METTL16: variants seen among roughly 807,000 people sequenced by gnomAD.
The protein encoded by METTL16 is RNA N(6)-adenosine-methyltransferase METTL16.
Under a neutral mutation model 57.9 loss-of-function variants are expected in METTL16, and 19 were observed. The ratio of observed to expected loss-of-function variants is 0.33; its 90% CI spans 0.23 to 0.48. The LOEUF is 0.48. Ranked by LOEUF, METTL16 falls within the 20% of genes least tolerant of loss-of-function variation. The pLI, the probability that METTL16 is intolerant of heterozygous loss-of-function variation, is 0.99. For synonymous variants in METTL16, 246 were observed against 255.6 expected (o/e 0.96, Z 0.36); for missense variants, 434 against 691.5 (o/e 0.63, Z 4.18).
chr17:2,428,694 C>T (rs1206232409), intron 8 of METTL16, among the ~76,000 whole-genome samples: 3 of 143,882 alleles, frequency 2.1e-5, no homozygotes, highest in African/African-American at 5.1e-5. Flanking sequence ...CCCAGGAGTT[C>T]GAGACCAGCA....
chr17:2,490,507 T>C (rs187844583), intron 2 of METTL16, among the ~76,000 whole-genome samples: 1 of 152,324 alleles, frequency 6.6e-6, no homozygotes, highest in Non-Finnish European at 1.5e-5. Flanking sequence ...TTTCATCTTT[T>C]AGGGTGAAAG....
intron 2 of METTL16, among the ~76,000 whole-genome samples, chr17:2,490,683 G>A (rs957254709): frequency 1.3e-5 from 2 of 152,068 alleles, no homozygotes; most frequent in Non-Finnish European, 2.9e-5. Context: ...TCTGCTCTCT[G>A]TAACACAGTG....
At chr17:2,426,502 A>T (rs2066819428) in intron 8 of METTL16, among the ~76,000 whole-genome samples, 1 of 152,074 alleles carries the variant, frequency 6.6e-6, no homozygotes. Context: ...AGGCTGAGGC[A>T]GGTAGATCAC....
intron 1 of METTL16, among the ~76,000 whole-genome samples, chr17:2,503,734 A>T (rs7222699): frequency 0.031 from 4,774 of 152,100 alleles, 253 homozygotes; most frequent in African/African-American, 0.11. Flanking sequence ...ATAAATATGG[A>T]TAAACAAAAT....
intron 6 of METTL16, among the ~76,000 whole-genome samples, chr17:2,449,063 A>T (rs1312268493): frequency 6.6e-6 from 1 of 151,530 alleles, no homozygotes; most frequent in Non-Finnish European, 1.5e-5. Flanking sequence ...AAAATAAATC[A>T]ACTGTATTTT....
intron 6 of METTL16, among the ~76,000 whole-genome samples, chr17:2,451,368 C>T (rs944023444): frequency 3.3e-5 from 5 of 152,116 alleles, no homozygotes; most frequent in Admixed American, 6.6e-5. Flanking sequence ...CCTGTAATCC[C>T]AGCACTTTCG....
chr17:2,506,321 T>A (rs1387436462), intron 1 of METTL16, among the ~76,000 whole-genome samples: 4 of 139,860 alleles, frequency 2.9e-5, no homozygotes, highest in African/African-American at 7.9e-5. Flanking sequence ...TGCCACGGTC[T>A]CCCTCTGATG....
intron 2 of METTL16, among the ~76,000 whole-genome samples, chr17:2,495,070 C>G (rs8081804): frequency 0.58 from 87,517 of 151,106 alleles, 28,352 homozygotes; most frequent in Non-Finnish European, 0.74. Flanking sequence ...TCAGGATTGG[C>G]CAGGCATGGT....
At chr17:2,483,277 T>C (rs1233306872) in intron 2 of METTL16, among the ~76,000 whole-genome samples, 3 of 152,148 alleles carry the variant, frequency 2.0e-5, no homozygotes, top group Non-Finnish European at 2.9e-5. Flanking sequence ...AACCTTAATT[T>C]TTGGATCAAA....
chr17:2,493,678 C>T (rs1284612441), intron 2 of METTL16, among the ~76,000 whole-genome samples: 3 of 147,022 alleles, frequency 2.0e-5, no homozygotes, highest in South Asian at 4.3e-4. Context: ...GAGATTGGGC[C>T]ACTGCACTCC....
At chr17:2,508,123 TAAA>T (rs66655664) in intron 1 of METTL16, among the ~76,000 whole-genome samples, 9 of 144,320 alleles carry the variant, frequency 6.2e-5, no homozygotes, top group Admixed American at 6.9e-5. Flanking sequence ...GAATGATCAA[TAAA>T]AAAAAAAAAA....
At chr17:2,434,107 A>G (rs1207260855) in intron 8 of METTL16, among the ~76,000 whole-genome samples, 2 of 152,188 alleles carry the variant, frequency 1.3e-5, no homozygotes, top group Non-Finnish European at 2.9e-5. Flanking sequence ...AGAGGGTCCT[A>G]AGCTTTGGTT....
chr17:2,499,159 T>C (rs1385103395), intron 2 of METTL16, among the ~76,000 whole-genome samples: 1 of 151,524 alleles, frequency 6.6e-6, no homozygotes, highest in Non-Finnish European at 1.5e-5. Context: ...TATTTGTCCA[T>C]TTTCCCCACT....
chr17:2,423,967 T>TA (rs972457776), intron 8 of METTL16, among the ~76,000 whole-genome samples: 113 of 152,328 alleles, frequency 7.4e-4, no homozygotes, highest in African/African-American at 2.6e-3. Context: ...ATCTCAGGAC[T>TA]AAAATGAAAA....
At chr17:2,490,275 C>A (rs2151574780) in intron 2 of METTL16, among the ~76,000 whole-genome samples, 1 of 152,166 alleles carries the variant, frequency 6.6e-6, no homozygotes, top group East Asian at 1.9e-4. Flanking sequence ...TCTCTTCATA[C>A]AAGTGTATGT....
chr17:2,432,745 T>C (rs1370848155), intron 8 of METTL16, among the ~76,000 whole-genome samples: 1 of 151,268 alleles, frequency 6.6e-6, no homozygotes, highest in East Asian at 1.9e-4. Context: ...ATGACTGGAG[T>C]AACAAATACA....
intron 6 of METTL16, among the ~76,000 whole-genome samples, chr17:2,445,140 G>C (rs547983180): frequency 6.6e-6 from 1 of 152,168 alleles, no homozygotes; most frequent in African/African-American, 2.4e-5. Flanking sequence ...GTAAGCCGCC[G>C]TGCTCAGCCC....
intron 5 of METTL16, among the ~76,000 whole-genome samples, chr17:2,465,208 A>C (rs1276780089): frequency 1.3e-5 from 2 of 152,150 alleles, no homozygotes; most frequent in Non-Finnish European, 2.9e-5. Flanking sequence ...TCAAAACCAC[A>C]GTGAGATACC....
chr17:2,452,530 C>T (rs1268667708), intron 6 of METTL16, among the ~76,000 whole-genome samples: 1 of 152,102 alleles, frequency 6.6e-6, no homozygotes, highest in East Asian at 1.9e-4. Flanking sequence ...GATCTAGTCA[C>T]CCAAGAGACT....
Sources: allele counts gnomAD v4.1 joint callset (sites outside exome capture counted in the v4.1 genomes callset), GRCh38; gene constraint gnomAD v4.1.1; transcripts MANE v1.5; gene names NCBI Gene and HGNC (gene_info 2026-07-23, HGNC 2026-07-21).